Variants in B3GALT1 observed in about 807,000 individuals in gnomAD.
The protein encoded by B3GALT1 is beta-1,3-galactosyltransferase 1.
In B3GALT1, 10 loss-of-function variants were observed where a neutral mutation model predicts 23.2. The ratio of observed to expected loss-of-function variants is 0.43; its 90% CI spans 0.27 to 0.73. B3GALT1 has a LOEUF of 0.73. B3GALT1 is among the 30% of genes least tolerant of loss of function. The pLI, the probability that B3GALT1 is intolerant of heterozygous loss-of-function variation, is 0.21. For missense variants in B3GALT1, 299 were observed against 405.4 expected (o/e 0.74, Z 2.25); for synonymous variants, 156 against 141.5 (o/e 1.10, Z -0.73).
intron 3 of B3GALT1, among the ~76,000 whole-genome samples, chr2:167,733,630 C>T (rs1172697585): frequency 6.6e-6 from 1 of 152,182 alleles, no homozygotes; most frequent in Non-Finnish European, 1.5e-5. Flanking sequence ...CTCTATTTTA[C>T]AGAGCTAGCA....
chr2:167,674,794 A>G (rs951232942), intron 3 of B3GALT1, among the ~76,000 whole-genome samples: 1 of 152,200 alleles, frequency 6.6e-6, no homozygotes, highest in Non-Finnish European at 1.5e-5. Context: ...GATTCTGACT[A>G]TTTTTAAATA....
chr2:167,778,766 T>C (rs79917922), intron 3 of B3GALT1, among the ~76,000 whole-genome samples: 249 of 152,366 alleles, frequency 1.6e-3, no homozygotes, highest in Non-Finnish European at 2.7e-3. Context: ...GTACAAATGT[T>C]TGTGGGTGGC....
chr2:167,557,411 T>C (rs1683873988), intron 2 of B3GALT1, among the ~76,000 whole-genome samples: 1 of 152,196 alleles, frequency 6.6e-6, no homozygotes, highest in Admixed American at 6.5e-5. Flanking sequence ...AATTACCTGA[T>C]TGAAATTTTA....
intron 3 of B3GALT1, among the ~76,000 whole-genome samples, chr2:167,774,494 T>G (rs1175107383): frequency 1.2e-5 from 1 of 83,198 alleles, no homozygotes; most frequent in African/African-American, 6.0e-5. Flanking sequence ...TGTTTTTTTT[T>G]TTGTTTTTTT....
chr2:167,422,369 G>C (rs990461814), intron 1 of B3GALT1, among the ~76,000 whole-genome samples: 1 of 152,118 alleles, frequency 6.6e-6, no homozygotes, highest in Non-Finnish European at 1.5e-5. Context: ...CTAGCCTCCA[G>C]AACTATGAGC....
At chr2:167,795,710 A>C (rs1688536412) in intron 3 of B3GALT1, among the ~76,000 whole-genome samples, 1 of 152,160 alleles carries the variant, frequency 6.6e-6, no homozygotes, top group Admixed American at 6.6e-5. Context: ...TTTTCACAGG[A>C]AACTGACTGT....
chr2:167,547,159 G>A (rs1173830434), intron 2 of B3GALT1, among the ~76,000 whole-genome samples: 1 of 152,186 alleles, frequency 6.6e-6, no homozygotes, highest in Non-Finnish European at 1.5e-5. Context: ...CTGTACTGCT[G>A]CTGTTGCTGC....
intron 3 of B3GALT1, among the ~76,000 whole-genome samples, chr2:167,701,783 A>T (rs1686885213): frequency 6.6e-6 from 1 of 152,188 alleles, no homozygotes; most frequent in Non-Finnish European, 1.5e-5. Flanking sequence ...AATTTGGCAT[A>T]ACGTTTCCTG....
intron 4 of B3GALT1, among the ~76,000 whole-genome samples, chr2:167,864,968 A>T (rs1690180906): frequency 7.3e-6 from 1 of 137,312 alleles, no homozygotes; most frequent in Non-Finnish European, 1.6e-5. Flanking sequence ...TTCTTCTGTT[A>T]AAAAAAAAAA....
intron 3 of B3GALT1, among the ~76,000 whole-genome samples, chr2:167,657,955 A>C (rs777715760): frequency 7.9e-5 from 12 of 152,252 alleles, no homozygotes; most frequent in Non-Finnish European, 1.5e-4. Flanking sequence ...GACCCAGGGA[A>C]TATTTGAGAC....
chr2:167,441,204 C>G (rs1685541889), intron 1 of B3GALT1, among the ~76,000 whole-genome samples: 1 of 152,160 alleles, frequency 6.6e-6, no homozygotes, highest in Non-Finnish European at 1.5e-5. Context: ...CAAAAGTTGC[C>G]TGGGACATGA....
At chr2:167,751,061 A>G (rs1033385281) in intron 3 of B3GALT1, among the ~76,000 whole-genome samples, 1 of 152,238 alleles carries the variant, frequency 6.6e-6, no homozygotes, top group Non-Finnish European at 1.5e-5. Context: ...TAAACAACAT[A>G]TAAATGAATG....
At chr2:167,597,185 A>G (rs1219076550) in intron 2 of B3GALT1, among the ~76,000 whole-genome samples, 8 of 148,546 alleles carry the variant, frequency 5.4e-5, no homozygotes, top group South Asian at 2.1e-4. Flanking sequence ...GCGGAATCTC[A>G]GCTCACTGCA....
chr2:167,714,158 G>T (rs1463836706), intron 3 of B3GALT1: 1 of 1,520,362 alleles, frequency 6.6e-7, no homozygotes, highest in Non-Finnish European at 9.1e-7. Context: ...GAGTTCTGCT[G>T]GTCCAGACAG....
intron 2 of B3GALT1, among the ~76,000 whole-genome samples, chr2:167,550,098 C>G (rs1463174242): frequency 6.6e-6 from 1 of 152,090 alleles, no homozygotes; most frequent in East Asian, 1.9e-4. Flanking sequence ...CTACGTTAAC[C>G]GTAACAGTTG....
At chr2:167,735,755 C>G (rs528451171) in intron 3 of B3GALT1, among the ~76,000 whole-genome samples, 111 of 152,260 alleles carry the variant, frequency 7.3e-4, no homozygotes, top group African/African-American at 2.6e-3. Context: ...CATTTAATCT[C>G]ACAATTATCC....
At chr2:167,613,235 T>C (rs1685102163) in intron 2 of B3GALT1, among the ~76,000 whole-genome samples, 1 of 151,916 alleles carries the variant, frequency 6.6e-6, no homozygotes, top group Non-Finnish European at 1.5e-5. Flanking sequence ...ACGAAGTTTA[T>C]CACAGGATTA....
intron 3 of B3GALT1, among the ~76,000 whole-genome samples, chr2:167,785,040 C>T (rs1688318336): frequency 6.6e-6 from 1 of 152,106 alleles, no homozygotes; most frequent in African/African-American, 2.4e-5. Context: ...TGACCTATAC[C>T]ACAGGATCAA....
intron 3 of B3GALT1, among the ~76,000 whole-genome samples, chr2:167,669,829 G>T (rs182435997): frequency 1.9e-4 from 29 of 152,156 alleles, no homozygotes; most frequent in Non-Finnish European, 3.8e-4. Flanking sequence ...AAGCCATGTG[G>T]GACACTGCCC....
Sources: gnomAD v4.1 joint callset for allele counts (sites outside exome capture counted in the v4.1 genomes callset) on GRCh38, gnomAD v4.1.1 for gene constraint, MANE v1.5 for transcripts, NCBI Gene and HGNC (gene_info 2026-07-23, HGNC 2026-07-21) for gene names.